Variants in ASIC2 observed in about 807,000 individuals in gnomAD.
ASIC2 encodes acid-sensing ion channel 2.
A neutral mutation model predicts 57.3 loss-of-function variants in ASIC2; 25 were observed. That is an observed-to-expected ratio of 0.44 (90% CI 0.32 to 0.61). The LOEUF (loss-of-function observed/expected upper bound fraction) is 0.61. ASIC2 is among the 20% of genes least tolerant of loss of function. The pLI, the probability that ASIC2 is intolerant of heterozygous loss-of-function variation, is 0.06. For synonymous variants in ASIC2, 319 were observed against 307.5 expected (o/e 1.04, Z -0.39); for missense variants, 641 against 738.1 (o/e 0.87, Z 1.52).
At chr17:33,252,024 G>C (rs751194429) in intron 1 of ASIC2, among the ~76,000 whole-genome samples, 2 of 152,190 alleles carry the variant, frequency 1.3e-5, no homozygotes, top group Non-Finnish European at 2.9e-5. Flanking sequence ...TTTTCAGATA[G>C]GAGAATTGAG....
intron 1 of ASIC2, among the ~76,000 whole-genome samples, chr17:33,833,669 C>G (rs1913184764): frequency 6.6e-6 from 1 of 152,114 alleles, no homozygotes; most frequent in South Asian, 2.1e-4. Flanking sequence ...GAGACCTAGA[C>G]CAGAAGTTAG....
At chr17:33,527,808 G>T (rs973732415) in intron 1 of ASIC2, among the ~76,000 whole-genome samples, 1 of 152,112 alleles carries the variant, frequency 6.6e-6, no homozygotes, top group Non-Finnish European at 1.5e-5. Context: ...GGGTCATGGA[G>T]CCTGGTTCTG....
chr17:33,339,386 C>T (rs1907642930), intron 1 of ASIC2, among the ~76,000 whole-genome samples: 1 of 152,168 alleles, frequency 6.6e-6, no homozygotes, highest in Non-Finnish European at 1.5e-5. Flanking sequence ...GCAACAGCAG[C>T]CCTTGGCAAT....
At chr17:33,031,696 A>G (rs1197317636) in intron 3 of ASIC2, among the ~76,000 whole-genome samples, 1 of 152,296 alleles carries the variant, frequency 6.6e-6, no homozygotes, top group Admixed American at 6.5e-5. Context: ...AGAGAGGAGT[A>G]TCAAAACATC....
intron 1 of ASIC2, among the ~76,000 whole-genome samples, chr17:33,170,864 C>A (rs1011113415): frequency 6.6e-6 from 1 of 152,180 alleles, no homozygotes; most frequent in Non-Finnish European, 1.5e-5. Flanking sequence ...CTTCCTATAG[C>A]AACATACTTC....
intron 1 of ASIC2, among the ~76,000 whole-genome samples, chr17:33,298,608 T>A (rs1028993391): frequency 2.6e-5 from 4 of 152,350 alleles, no homozygotes; most frequent in African/African-American, 9.6e-5. Flanking sequence ...TTTGGGTATA[T>A]ACCCAGTAAT....
At chr17:34,133,014 T>C (rs925770276) in intron 1 of ASIC2, among the ~76,000 whole-genome samples, 18 of 152,158 alleles carry the variant, frequency 1.2e-4, no homozygotes, top group African/African-American at 4.3e-4. Flanking sequence ...CCCTCTTTCA[T>C]TGTGAGAGGG....
At chr17:33,418,936 C>T (rs1173007207) in intron 1 of ASIC2, among the ~76,000 whole-genome samples, 1 of 149,222 alleles carries the variant, frequency 6.7e-6, no homozygotes, top group Non-Finnish European at 1.5e-5. Context: ...GGGAACATCA[C>T]ACACCGGGGC....
intron 1 of ASIC2, among the ~76,000 whole-genome samples, chr17:33,481,589 G>A (rs1006547661): frequency 6.6e-6 from 1 of 152,214 alleles, no homozygotes; most frequent in Admixed American, 6.5e-5. Flanking sequence ...GAGCACACAT[G>A]AGATGTTTGA....
chr17:33,937,079 C>G (rs1916081582), intron 1 of ASIC2, among the ~76,000 whole-genome samples: 1 of 152,192 alleles, frequency 6.6e-6, no homozygotes. Flanking sequence ...AGCCTAGCAA[C>G]TGGCAACTGG....
chr17:33,513,326 A>G (rs1349977715), intron 1 of ASIC2, among the ~76,000 whole-genome samples: 1 of 152,272 alleles, frequency 6.6e-6, no homozygotes, highest in East Asian at 1.9e-4. Context: ...TTCACAAGAA[A>G]TAATAGAGGC....
chr17:33,469,400 G>A (rs1038665435), intron 1 of ASIC2, among the ~76,000 whole-genome samples: 10 of 152,192 alleles, frequency 6.6e-5, no homozygotes, highest in Non-Finnish European at 1.2e-4. Flanking sequence ...AGGCCCTGCA[G>A]GTTCCACAGC....
intron 1 of ASIC2, among the ~76,000 whole-genome samples, chr17:33,532,799 T>C (rs1254130919): frequency 6.6e-6 from 1 of 152,208 alleles, no homozygotes; most frequent in African/African-American, 2.4e-5. Context: ...GATACAAGTC[T>C]GCAGAGAACC....
chr17:34,084,556 T>C (rs991975095), intron 1 of ASIC2, among the ~76,000 whole-genome samples: 5 of 152,214 alleles, frequency 3.3e-5, no homozygotes, highest in African/African-American at 9.6e-5. Context: ...AACTTTAAAG[T>C]AGTTTTTTCC....
intron 3 of ASIC2, among the ~76,000 whole-genome samples, chr17:33,050,582 C>T (rs2091971258): frequency 6.6e-6 from 1 of 152,182 alleles, no homozygotes; most frequent in Admixed American, 6.5e-5. Flanking sequence ...CTACAAAATG[C>T]TCAGATGTCT....
At chr17:33,710,295 C>T (rs1908987707) in intron 1 of ASIC2, among the ~76,000 whole-genome samples, 1 of 152,240 alleles carries the variant, frequency 6.6e-6, no homozygotes, top group Non-Finnish European at 1.5e-5. Flanking sequence ...TTTTATTCAA[C>T]AAATAGTTAC....
chr17:34,133,826 C>T (rs1912059196), intron 1 of ASIC2, among the ~76,000 whole-genome samples: 1 of 152,146 alleles, frequency 6.6e-6, no homozygotes, highest in African/African-American at 2.4e-5. Flanking sequence ...GACAGTTTTG[C>T]CCCTCAGGAG....
At chr17:33,888,060 T>C (rs1260212493) in intron 1 of ASIC2, among the ~76,000 whole-genome samples, 1 of 152,238 alleles carries the variant, frequency 6.6e-6, no homozygotes, top group Non-Finnish European at 1.5e-5. Flanking sequence ...TCTGCTGTGC[T>C]GACCACATTA....
At chr17:33,958,259 T>C (rs1904805015) in intron 1 of ASIC2, among the ~76,000 whole-genome samples, 2 of 151,876 alleles carry the variant, frequency 1.3e-5, no homozygotes, top group African/African-American at 4.8e-5. Context: ...TCTGGAGGGG[T>C]CTGGGGTCTG....
Sources: gnomAD v4.1 joint callset for allele counts (sites outside exome capture counted in the v4.1 genomes callset) on GRCh38, gnomAD v4.1.1 for gene constraint, MANE v1.5 for transcripts, NCBI Gene and HGNC (gene_info 2026-07-23, HGNC 2026-07-21) for gene names.